GBE1: variants seen among roughly 807,000 people sequenced by gnomAD.
GBE1 encodes 1,4-alpha-glucan-branching enzyme.
A neutral mutation model predicts 88.8 loss-of-function variants in GBE1; 70 were observed. The ratio of observed to expected loss-of-function variants is 0.79; its 90% CI spans 0.65 to 0.96. GBE1 has a LOEUF of 0.96. Ranked by LOEUF, GBE1 falls within the 40% of genes least tolerant of loss-of-function variation. GBE1 has a pLI of 0.00. For synonymous variants in GBE1, 284 were observed against 300.1 expected, an observed-to-expected ratio of 0.95 and a Z score of 0.56; for missense variants, 872 against 871.0, an observed-to-expected ratio of 1.00 and a Z score of -0.01.
intron 2 of GBE1, among the ~76,000 whole-genome samples, chr3:81,696,689 A>G (rs1692486003): frequency 6.6e-6 from 1 of 152,206 alleles, no homozygotes; most frequent in East Asian, 1.9e-4. Flanking sequence ...ACAACCATAA[A>G]CAAGATAATT....
intron 2 of GBE1, among the ~76,000 whole-genome samples, chr3:81,675,251 A>G (rs1197842593): frequency 6.6e-6 from 1 of 152,068 alleles, no homozygotes; most frequent in African/African-American, 2.4e-5. Context: ...ATAATATAAT[A>G]TATCAACAGG....
chr3:81,650,506 G>A (rs552869280), intron 3 of GBE1, among the ~76,000 whole-genome samples: 22 of 151,882 alleles, frequency 1.4e-4, no homozygotes, highest in African/African-American at 5.1e-4. Context: ...TTAATCATCC[G>A]TTCACATATT....
At chr3:81,512,576 T>A (rs1473409510) in intron 14 of GBE1, among the ~76,000 whole-genome samples, 1 of 151,836 alleles carries the variant, frequency 6.6e-6, no homozygotes, top group Non-Finnish European at 1.5e-5. Flanking sequence ...TTCAATGGCA[T>A]TTCTAGAGGG....
chr3:81,593,965 A>C lies in GBE1; in HGVS notation c.1051T>G (p.Phe351Val), dbSNP rs768896595. 1 of 1,587,574 alleles carries C rather than the reference A, an allele frequency of 6.3e-7. No homozygotes were observed. The highest frequency in any genetic ancestry group is 2.3e-5 in the East Asian group (1 of 44,002). The stretch of plus-strand genomic sequence containing the variant: ...ACACCATCAAAACGAAATCCATCAA[A>C]GCGATATTCTTCCAACCACCATCTT... Reference protein sequence around the residue: ...NIRWWLEEYRFDGFRFDGVTS... With the variant: ...NIRWWLEEYRVDGFRFDGVTS... The change falls in exon 8 of 16, where the codon TTT (phenylalanine) becomes GTT (valine). Residue 351 changes from phenylalanine (F) to valine (V), a missense_variant. Phe to Val is a conservative substitution (Grantham distance 50, BLOSUM62 -1). Transcript: ENST00000429644.
At chr3:81,718,053 C>T (rs576441898) in intron 1 of GBE1, among the ~76,000 whole-genome samples, 24 of 151,946 alleles carry the variant, frequency 1.6e-4, no homozygotes, top group South Asian at 4.1e-4. Context: ...AATTTCAGTT[C>T]ACTGCAACCT....
At chr3:81,519,193 T>C (rs1449726431) in intron 14 of GBE1, among the ~76,000 whole-genome samples, 2 of 151,616 alleles carry the variant, frequency 1.3e-5, no homozygotes. Flanking sequence ...GTGACCTTAT[T>C]TGCTTATTAG....
rs531022606 is a variant in GBE1 at position 81,551,667 on chromosome 3, A to G, written c.1619-14572T>C. Among the ~76,000 whole-genome samples the G allele has an allele frequency of 3.3e-5, 5 of 152,232 alleles. No individual in the cohort carries two copies. In the East Asian group the frequency reaches 7.7e-4, roughly 23 times the overall value. On this transcript the variant is annotated intron_variant, in intron 12 of 15. Coordinates refer to ENST00000429644, the MANE Select transcript of GBE1 (RefSeq NM_000158.4). ...GGACTGAACCAATGTTCATCTTACT[A>G]TGACTGATGTCTCATGTCTCCCTAA...
At chr3:81,607,792 C>A (rs190152129) in intron 7 of GBE1, among the ~76,000 whole-genome samples, 3 of 152,154 alleles carry the variant, frequency 2.0e-5, no homozygotes, top group Non-Finnish European at 4.4e-5. Flanking sequence ...CAATTTAATT[C>A]TTTTTTCTTA....
At chr3:81,536,639 T>C (rs1236393957) in intron 13 of GBE1, among the ~76,000 whole-genome samples, 4 of 152,046 alleles carry the variant, frequency 2.6e-5, no homozygotes, top group African/African-American at 9.7e-5. Context: ...GAGCTTTTAT[T>C]GTTTATTTTA....
chr3:81,722,625 A>G (rs903169345), intron 1 of GBE1, among the ~76,000 whole-genome samples: 2 of 151,874 alleles, frequency 1.3e-5, no homozygotes, highest in African/African-American at 4.8e-5. Context: ...TGAGGAAGAA[A>G]TGAGGACAGC....
intron 3 of GBE1, among the ~76,000 whole-genome samples, chr3:81,668,492 G>C (rs562369809): frequency 1.3e-5 from 2 of 152,288 alleles, no homozygotes; most frequent in African/African-American, 4.8e-5. Flanking sequence ...ATGAGTCAAT[G>C]ACAAAATATA....
At position 81,750,579 on chromosome 3, in the gene GBE1, ATATATATACG is replaced by A. The variant is rs1559708519; in HGVS notation, c.143+10786_143+10795del. Among the ~76,000 whole-genome samples, 579 of 61,528 alleles carry A rather than the reference ATATATATACG, an allele frequency of 9.4e-3. 28 individuals are homozygous for A. Among genetic ancestry groups the A allele is most frequent in the East Asian group, 0.062 (43 of 688 alleles). 40.4% of individuals were successfully genotyped at this position (61,528 alleles called of 152,430 possible). A position where few individuals can be genotyped will look rare whatever the true frequency, so the allele number is the denominator to read the frequency against. Reference sequence around the variant, plus strand: ...TATATATATGTATATATATATACGTATATATATACGTATATATATATGTGTATATATATAT... The same window carrying A: ...TATATATATGTATATATATATACGTATATATATATATGTGTATATATATAT... On this transcript the variant is annotated intron_variant, in intron 1 of 15. Coordinates refer to ENST00000429644, the MANE Select transcript of GBE1 (RefSeq NM_000158.4).
intron 15 of GBE1, among the ~76,000 whole-genome samples, chr3:81,493,931 C>T (rs1702469718): frequency 6.6e-6 from 1 of 151,802 alleles, no homozygotes; most frequent in African/African-American, 2.4e-5. Context: ...AAAAAATGCT[C>T]CAAGAACACT....
intron 14 of GBE1, among the ~76,000 whole-genome samples, chr3:81,510,058 G>T (rs1402301447): frequency 6.6e-6 from 1 of 151,986 alleles, no homozygotes; most frequent in African/African-American, 2.4e-5. Flanking sequence ...ATTCAAGTCA[G>T]CACAAACTCA....
At chr3:81,626,116 T>C (rs1313731349) in intron 7 of GBE1, among the ~76,000 whole-genome samples, 2 of 152,168 alleles carry the variant, frequency 1.3e-5, no homozygotes, top group African/African-American at 2.4e-5. Context: ...CACTGCTCAG[T>C]AAGGAGCAGC....
At chr3:81,568,840 G>GTA (rs775882232) in intron 12 of GBE1, among the ~76,000 whole-genome samples, 1 of 152,004 alleles carries the variant, frequency 6.6e-6, no homozygotes, top group Non-Finnish European at 1.5e-5. Flanking sequence ...GTATGTGTGT[G>GTA]TATATATATA....
chr3:81,496,959 A>C (rs948504793), intron 15 of GBE1, among the ~76,000 whole-genome samples: 1 of 152,114 alleles, frequency 6.6e-6, no homozygotes, highest in African/African-American at 2.4e-5. Flanking sequence ...GTTGGATTAC[A>C]ATTCTGTTGC....
intron 2 of GBE1, among the ~76,000 whole-genome samples, chr3:81,690,329 A>C (rs1250695584): frequency 2.0e-5 from 3 of 152,226 alleles, no homozygotes; most frequent in Non-Finnish European, 4.4e-5. Context: ...AAGCTTCGCA[A>C]AGAAATGAAT....
At chr3:81,739,001 T>C (rs1022133905) in intron 1 of GBE1, among the ~76,000 whole-genome samples, 1 of 152,112 alleles carries the variant, frequency 6.6e-6, no homozygotes, top group Non-Finnish European at 1.5e-5. Flanking sequence ...CTCTCATAGT[T>C]TCATAGTTGG....
Sources: allele counts gnomAD v4.1 joint callset (sites outside exome capture counted in the v4.1 genomes callset), GRCh38; gene constraint gnomAD v4.1.1; transcripts MANE v1.5; gene names NCBI Gene and HGNC (gene_info 2026-07-23, HGNC 2026-07-21).